The following TSHZ1 variants were observed in gnomAD, a reference collection of about 807,000 sequenced individuals.
TSHZ1 encodes teashirt zinc finger homeobox 1, also known as teashirt homolog 1.
TSHZ1 carries 12 observed loss-of-function variants against 67.1 expected under a neutral mutation model. The observed-to-expected ratio is 0.18, with a 90% confidence interval of 0.11 to 0.29. The LOEUF (loss-of-function observed/expected upper bound fraction) is 0.29. Ranked by LOEUF, TSHZ1 falls within the 10% of genes least tolerant of loss-of-function variation. TSHZ1 has a pLI of 1.00. For missense variants in TSHZ1, 1,305 were observed against 1,413.9 expected (o/e 0.92, Z 1.23); for synonymous variants, 632 against 622.4 (o/e 1.02, Z -0.23).
intron 1 of TSHZ1, among the ~76,000 whole-genome samples, chr18:75,232,626 C>A (rs1046390098): frequency 6.6e-6 from 1 of 152,126 alleles, no homozygotes; most frequent in Non-Finnish European, 1.5e-5. Flanking sequence ...GCTTTTCAGG[C>A]GCCAGTTCTA....
intron 1 of TSHZ1, among the ~76,000 whole-genome samples, chr18:75,261,164 A>T (rs1271710249): frequency 6.6e-6 from 1 of 151,938 alleles, no homozygotes. Flanking sequence ...AAGGACTACT[A>T]CCCCGCCAAG....
In TSHZ1 at chr18:75,285,980, C is replaced by G; in HGVS notation, c.573C>G (p.Thr191=). The part of the protein sequence containing the change: ...SSTSHSSTTS[T]SSSSGYDWHQ... ...CCAGCCACAGCAGTACCACCAGTAC[C>G]AGCAGCAGCTCCGGGTACGACTGGC... Residue 191 remains threonine, a synonymous_variant, in exon 2 of 2, where the codon ACC becomes ACG. Coordinates refer to ENST00000580243, the MANE Select transcript of TSHZ1 (RefSeq NM_001308210.2). The G allele has an allele frequency of 6.3e-7, 1 of 1,597,198 alleles. No individual in the cohort carries two copies. Among genetic ancestry groups the G allele is most frequent in the Non-Finnish European group, 8.5e-7 (1 of 1,172,632 alleles).
chr18:75,271,871 C>T (rs1328696446), intron 1 of TSHZ1, among the ~76,000 whole-genome samples: 1 of 152,002 alleles, frequency 6.6e-6, no homozygotes, highest in Non-Finnish European at 1.5e-5. Flanking sequence ...TGCTGATGTG[C>T]GAAGTTAATG....
At chr18:75,227,040 C>A (rs999557382) in intron 1 of TSHZ1, among the ~76,000 whole-genome samples, 6 of 152,132 alleles carry the variant, frequency 3.9e-5, no homozygotes, top group Non-Finnish European at 8.8e-5. Context: ...CATGGAGTCC[C>A]GGCTTTCCGT....
In TSHZ1 at chr18:75,286,955, C is replaced by T. The variant is rs548234221; in HGVS notation, c.1548C>T (p.Ile516=). 1.1e-5 allele frequency: 18 copies of T among 1,614,120 alleles called. No individual in the cohort carries two copies. The South Asian group carries it at 2.0e-4, about 18-fold the overall frequency. Residue 516 remains isoleucine, a synonymous_variant, in exon 2 of 2, where the codon ATC becomes ATT. Transcript: ENST00000580243. This position sits in a 1 kb window ranked among gnomAD's most constrained non-coding sequence, Gnocchi z 5.1. ...KPPVAGDAEK[I]KEESEDSLEK... is the part of the protein sequence containing the mutation. ...CTGTGGCTGGCGACGCGGAGAAGAT[C>T]AAGGAGGAGAGTGAGGACAGCTTGG...
At chr18:75,254,646 T>TA (rs1568361379) in intron 1 of TSHZ1, among the ~76,000 whole-genome samples, 1 of 152,116 alleles carries the variant, frequency 6.6e-6, no homozygotes, top group Non-Finnish European at 1.5e-5. Flanking sequence ...TGATAGCAGA[T>TA]GACCTAATAG....
At chr18:75,241,385 C>T (rs992625301) in intron 1 of TSHZ1, among the ~76,000 whole-genome samples, 2 of 152,194 alleles carry the variant, frequency 1.3e-5, no homozygotes, top group African/African-American at 4.8e-5. Context: ...TAGCTGGGGC[C>T]TGGCTCTCCT....
chr18:75,273,353 G>A (rs2023580199), intron 1 of TSHZ1, among the ~76,000 whole-genome samples: 1 of 152,178 alleles, frequency 6.6e-6, no homozygotes, highest in African/African-American at 2.4e-5. Context: ...ATTGCTCAGA[G>A]CCAGTGTTAT....
chr18:75,215,028 A>G (rs1193734564), intron 1 of TSHZ1, among the ~76,000 whole-genome samples: 1 of 152,130 alleles, frequency 6.6e-6, no homozygotes, highest in Non-Finnish European at 1.5e-5. Context: ...CACCGAGACA[A>G]TGCTGCTTAA....
At chr18:75,229,796 TC>T (rs1299626535) in intron 1 of TSHZ1, among the ~76,000 whole-genome samples, 1 of 152,114 alleles carries the variant, frequency 6.6e-6, no homozygotes, top group East Asian at 1.9e-4. Flanking sequence ...CCATGTAACA[TC>T]AATCTAACCT....
intron 1 of TSHZ1, among the ~76,000 whole-genome samples, chr18:75,262,436 C>T (rs1028269171): frequency 6.6e-6 from 1 of 152,144 alleles, no homozygotes; most frequent in African/African-American, 2.4e-5. Context: ...AGCATTGTTA[C>T]AGGTGCTACC....
At chr18:75,228,147 C>T (rs542967098) in intron 1 of TSHZ1, among the ~76,000 whole-genome samples, 1 of 152,262 alleles carries the variant, frequency 6.6e-6, no homozygotes, top group Admixed American at 6.5e-5. Flanking sequence ...TTTTTCAAAG[C>T]TCAACTCACT....
chr18:75,273,694 T>G (rs1344127749), intron 1 of TSHZ1, among the ~76,000 whole-genome samples: 1 of 152,202 alleles, frequency 6.6e-6, no homozygotes, highest in Admixed American at 6.5e-5. Flanking sequence ...ATACATTGCC[T>G]TATGTCCACT....
chr18:75,212,847 A>G (rs1599365614), intron 1 of TSHZ1, among the ~76,000 whole-genome samples: 1 of 152,158 alleles, frequency 6.6e-6, no homozygotes, highest in Non-Finnish European at 1.5e-5. Context: ...CAGGTTTGAA[A>G]ATAGCCCAGT....
chr18:75,240,990 T>C (rs565333404), intron 1 of TSHZ1, among the ~76,000 whole-genome samples: 69 of 152,334 alleles, frequency 4.5e-4, no homozygotes, highest in African/African-American at 1.3e-3. Flanking sequence ...CCTGCTGGGC[T>C]CTAGGGGCTC....
At chr18:75,260,889 GT>G (rs1448879276) in intron 1 of TSHZ1, among the ~76,000 whole-genome samples, 2 of 152,120 alleles carry the variant, frequency 1.3e-5, no homozygotes, top group Non-Finnish European at 2.9e-5. Context: ...TGCTCTCTTA[GT>G]TTTATACCTA....
intron 1 of TSHZ1, among the ~76,000 whole-genome samples, chr18:75,248,855 G>A (rs1426228004): frequency 6.6e-6 from 1 of 152,222 alleles, no homozygotes; most frequent in African/African-American, 2.4e-5. Context: ...TCTTGTGTGG[G>A]GGAACGGTTA....
intron 1 of TSHZ1, chr18:75,245,100 C>A (rs1220060882): frequency 1.3e-5 from 2 of 152,148 alleles, no homozygotes; most frequent in African/African-American, 4.8e-5. Context: ...ATTTTCCTTC[C>A]ATTAAATGCC....
chr18:75,216,883 C>T (rs74540049), intron 1 of TSHZ1, among the ~76,000 whole-genome samples: 10,995 of 152,136 alleles, frequency 0.072, 540 homozygotes, highest in Non-Finnish European at 0.1. Context: ...TCCACTGGGC[C>T]GGGACCCACT....
Sources: allele counts gnomAD v4.1 joint callset (sites outside exome capture counted in the v4.1 genomes callset), GRCh38; gene constraint gnomAD v4.1.1; non-coding constraint Gnocchi (gnomAD v3.1); transcripts MANE v1.5; gene names NCBI Gene and HGNC (gene_info 2026-07-23, HGNC 2026-07-21).